The following LCORL variants were observed in gnomAD, a reference collection of about 807,000 sequenced individuals.
LCORL encodes ligand dependent nuclear receptor corepressor like.
Under a neutral mutation model 141.8 loss-of-function variants are expected in LCORL, and 41 were observed. The ratio of observed to expected loss-of-function variants is 0.29; its 90% CI spans 0.23 to 0.38. LCORL has a LOEUF of 0.38. Among genes scored for constraint, LCORL ranks in the 10% least tolerant of loss-of-function variants. The pLI, the probability that LCORL is intolerant of heterozygous loss-of-function variation, is 1.00. For missense variants in LCORL, 1,759 were observed against 2,035.0 expected (o/e 0.86, Z 2.61); for synonymous variants, 618 against 694.1 (o/e 0.89, Z 1.72).
intron 1 of LCORL, among the ~76,000 whole-genome samples, chr4:17,982,392 C>T (rs115504176): frequency 2.0e-4 from 31 of 152,298 alleles, no homozygotes; most frequent in Non-Finnish European, 3.8e-4. Context: ...AATTTATCCT[C>T]CCACCAACAG....
intron 6 of LCORL, chr4:17,883,900 A>G (rs1727938735): frequency 6.5e-7 from 1 of 1,550,334 alleles, no homozygotes; most frequent in Non-Finnish European, 8.7e-7. Flanking sequence ...CTTTGGAAAC[A>G]CTCATTTTTC....
At chr4:17,901,991 T>C (rs1017081551) in intron 5 of LCORL, among the ~76,000 whole-genome samples, 3 of 151,952 alleles carry the variant, frequency 2.0e-5, no homozygotes, top group African/African-American at 7.3e-5. Flanking sequence ...AAGAAACTAA[T>C]GTTTAAAAGG....
intron 1 of LCORL, among the ~76,000 whole-genome samples, chr4:18,019,286 C>T (rs1398513161): frequency 6.6e-6 from 1 of 152,148 alleles, no homozygotes; most frequent in Non-Finnish European, 1.5e-5. Flanking sequence ...TTGCAGTGAG[C>T]TGAGATAGCA....
At chr4:17,936,279 C>T (rs1377307740) in intron 4 of LCORL, among the ~76,000 whole-genome samples, 2 of 149,700 alleles carry the variant, frequency 1.3e-5, no homozygotes, top group Non-Finnish European at 3.0e-5. Context: ...AAAATAGCTC[C>T]TAAACTTTTA....
At chr4:17,881,913 T>G in intron 6 of LCORL, 1 of 983,420 alleles carries the variant, frequency 1.0e-6, no homozygotes, top group Non-Finnish European at 1.2e-6. Flanking sequence ...ATGGCTTAAT[T>G]CTTTAAAAAG....
chr4:17,876,707 C>A, exon 7 of LCORL: 1 of 1,230,832 alleles, frequency 8.1e-7, no homozygotes, highest in South Asian at 4.1e-5. Flanking sequence ...CATCATTTCT[C>A]AAAAGAGTTT....
At chr4:17,851,568 G>A (rs1040734947) in intron 7 of LCORL, among the ~76,000 whole-genome samples, 3 of 152,054 alleles carry the variant, frequency 2.0e-5, no homozygotes, top group Admixed American at 2.0e-4. Flanking sequence ...CTACTTTATG[G>A]ATAAATCTTA....
At chr4:17,937,466 A>T (rs1451125076) in intron 4 of LCORL, among the ~76,000 whole-genome samples, 2 of 152,244 alleles carry the variant, frequency 1.3e-5, no homozygotes, top group Non-Finnish European at 2.9e-5. Flanking sequence ...ACAATAGAAT[A>T]TAAGAATAGC....
intron 7 of LCORL, among the ~76,000 whole-genome samples, chr4:17,861,446 A>G (rs995328071): frequency 1.3e-5 from 2 of 152,150 alleles, no homozygotes; most frequent in Non-Finnish European, 2.9e-5. Flanking sequence ...CCTAGACTGC[A>G]CACAGCACGG....
chr4:17,936,565 T>A (rs958665621), intron 4 of LCORL, among the ~76,000 whole-genome samples: 2 of 152,156 alleles, frequency 1.3e-5, no homozygotes, highest in African/African-American at 2.4e-5. Context: ...TGAGTTCACA[T>A]AGTTTGAAGA....
chr4:17,961,906 T>C (rs1577558934), exon 4 of LCORL: 19 of 1,607,328 alleles, frequency 1.2e-5, no homozygotes, highest in Non-Finnish European at 1.6e-5. Flanking sequence ...ATATTACCTT[T>C]CTTTCGAAAG....
At chr4:17,990,403 A>G (rs1438214032) in intron 1 of LCORL, among the ~76,000 whole-genome samples, 1 of 150,688 alleles carries the variant, frequency 6.6e-6, no homozygotes, top group Non-Finnish European at 1.5e-5. Context: ...CTGGCCAAAA[A>G]CTCTCTGCTT....
At chr4:17,947,550 A>G (rs1370447991) in intron 4 of LCORL, among the ~76,000 whole-genome samples, 3 of 151,868 alleles carry the variant, frequency 2.0e-5, no homozygotes, top group Non-Finnish European at 4.4e-5. Context: ...AAGAGAGTAA[A>G]TTTCAAATGC....
exon 4 of LCORL, chr4:17,962,026 T>C: frequency 1.3e-6 from 2 of 1,595,806 alleles, no homozygotes; most frequent in Non-Finnish European, 1.7e-6. Flanking sequence ...AGAGATGGTA[T>C]ACAATCCTAA....
intron 4 of LCORL, among the ~76,000 whole-genome samples, chr4:17,917,313 C>T (rs568766879): frequency 6.6e-6 from 1 of 152,306 alleles, no homozygotes; most frequent in South Asian, 2.1e-4. Context: ...CTGCCTCAGC[C>T]TCCCCAATAG....
At chr4:17,954,584 G>A (rs533406269) in intron 4 of LCORL, among the ~76,000 whole-genome samples, 1 of 69,682 alleles carries the variant, frequency 1.4e-5, no homozygotes, top group East Asian at 2.8e-4. Context: ...AGCTGAATTG[G>A]TAAGATGGGG....
chr4:17,935,086 C>T (rs1378367364), intron 4 of LCORL, among the ~76,000 whole-genome samples: 1 of 152,114 alleles, frequency 6.6e-6, no homozygotes, highest in Non-Finnish European at 1.5e-5. Flanking sequence ...TTATTACATA[C>T]TTTGCCCATT....
At chr4:17,875,625 T>C (rs1370651700) in exon 7 of LCORL, 1 of 1,231,248 alleles carries the variant, frequency 8.1e-7, no homozygotes, top group African/African-American at 1.6e-5. Flanking sequence ...TTCTGGGCTT[T>C]TCCTTCCAGC....
At chr4:18,014,519 AAAGT>A (rs1724311089) in intron 1 of LCORL, among the ~76,000 whole-genome samples, 1 of 152,190 alleles carries the variant, frequency 6.6e-6, no homozygotes, top group Non-Finnish European at 1.5e-5. Flanking sequence ...TACTGTAAAG[AAAGT>A]AATAATAGCT....
Sources: gnomAD v4.1 joint callset for allele counts (sites outside exome capture counted in the v4.1 genomes callset) on GRCh38, gnomAD v4.1.1 for gene constraint, MANE v1.5 for transcripts, NCBI Gene and HGNC (gene_info 2026-07-23, HGNC 2026-07-21) for gene names.